The following MICAL1 variants were observed in gnomAD, a reference collection of about 807,000 sequenced individuals.
MICAL1 encodes [F-actin]-monooxygenase MICAL1.
Under a neutral mutation model 131.8 loss-of-function variants are expected in MICAL1, and 95 were observed. The ratio of observed to expected loss-of-function variants is 0.72; its 90% CI spans 0.61 to 0.86. The LOEUF is 0.86. Among genes scored for constraint, MICAL1 ranks in the 40% least tolerant of loss-of-function variants. The probability of loss-of-function intolerance (pLI) is 0.00; values close to 1 mark genes in which losing one functional copy is unlikely to be tolerated. For synonymous variants in MICAL1, 546 were observed against 554.2 expected (o/e 0.99, Z 0.21); for missense variants, 1,292 against 1,380.6 (o/e 0.94, Z 1.02).
rs530967053 is a variant in MICAL1 at position 109,448,460 on chromosome 6, C to CAGCAGGAGGGGAGGGACAGCA, written c.1665-88_1665-68dup. ...CTAGCCCCACTGAGGGGAGGAAGGGCAGCAGGAGGGGAGGGACAGCAAGCA... is the reference window on the plus strand; with the variant it reads ...CTAGCCCCACTGAGGGGAGGAAGGGCAGCAGGAGGGGAGGGACAGCAAGCAGGAGGGGAGGGACAGCAAGCA... On this transcript the variant is annotated intron_variant, in intron 12 of 24. Transcript: ENST00000358807. 51 of 1,564,916 alleles carry CAGCAGGAGGGGAGGGACAGCA rather than the reference C, an allele frequency of 3.3e-5. No individual in the cohort carries two copies. The African/African-American group carries it at 5.0e-4, about 15-fold the overall frequency.
At chr6:109,460,440 A>AG (rs529688421), upstream of MICAL1, among the ~76,000 whole-genome samples, 105 of 151,766 alleles carry the variant, frequency 6.9e-4, no homozygotes, top group South Asian at 0.011. Flanking sequence ...AAAAAAAAAA[A>AG]AAAAGAAATG....
At chr6:109,447,471 T>G (rs751732553) in intron 15 of MICAL1, 31 bp from the exon 16 acceptor site, 1 of 1,594,846 alleles carries the variant, frequency 6.3e-7, no homozygotes, top group Non-Finnish European at 8.5e-7. Context: ...GCAGGGAGGG[T>G]AGAGGGGCAG....
At chr6:109,452,486 T>C in intron 5 of MICAL1, 25 bp downstream of exon 5, 2 of 1,612,602 alleles carry the variant, frequency 1.2e-6, no homozygotes, top group African/African-American at 1.3e-5. Context: ...AGATGCTGGC[T>C]TCTTTGAGGG....
At chr6:109,446,488 A>G (rs1198620551) in intron 18 of MICAL1, 76 bp from the exon 19 acceptor site, 4 of 1,545,584 alleles carry the variant, frequency 2.6e-6, no homozygotes, top group East Asian at 2.3e-5. Context: ...CTTGGCATTC[A>G]TTCACTTAAA....
chr6:109,448,853 G>C lies in MICAL1; in HGVS notation c.1543C>G (p.Leu515Val), dbSNP rs1201233199. The stretch of plus-strand genomic sequence containing the variant: ...GCTGTCTGCTCCTGGCACCAGCGTA[G>C]CAGCTCCTCCTGGGTGCCTGCCGAC... ...TGSAGTQEEL[L>V]RWCQEQTAGY... Residue 515 changes from leucine to valine, a missense_variant, in exon 12 of 25, where the codon CTA becomes GTA. Physicochemically the swap from Leu to Val is conservative, Grantham distance 32. Transcript: ENST00000358807. 1 of 1,613,752 alleles carries C rather than the reference G, an allele frequency of 6.2e-7. No homozygotes were observed. The highest frequency in any genetic ancestry group is 8.5e-7 in the Non-Finnish European group (1 of 1,179,982).
chr6:109,459,970 T>C (rs1463208389), upstream of MICAL1, among the ~76,000 whole-genome samples: 1 of 152,230 alleles, frequency 6.6e-6, no homozygotes, highest in Non-Finnish European at 1.5e-5. Flanking sequence ...AAAATCATCT[T>C]TGAATTATAT....
chr6:109,452,584 G>T lies in MICAL1; in HGVS notation c.603C>A (p.Asn201Lys). The change falls in exon 5 of 25, where the codon AAC becomes AAA. Residue 201 changes from asparagine (N) to lysine (K), a missense_variant. Asn to Lys is a moderately conservative substitution (Grantham distance 94, BLOSUM62 0). Coordinates refer to ENST00000358807, the MANE Select transcript of MICAL1 (RefSeq NM_022765.4). Reference protein sequence around the residue: ...GSGWRAQLQPNPPAQLANYEF... With the variant: ...GSGWRAQLQPKPPAQLANYEF... The stretch of plus-strand genomic sequence containing the variant: ...CATAGTTGGCCAGCTGGGCAGGGGG[G>T]TTGGGTTGGAGCTGGGCACGCCAGC... The T allele has an allele frequency of 2.5e-6, 4 of 1,613,354 alleles. No homozygotes were observed. Among genetic ancestry groups the T allele is most frequent in the Middle Eastern group, 1.7e-4 (1 of 5,762 alleles).
exon 1 of MICAL1, chr6:109,465,946 G>A: frequency 6.2e-7 from 1 of 1,614,190 alleles, no homozygotes; most frequent in South Asian, 1.1e-5. Flanking sequence ...TGCTGAGCTG[G>A]ATCTGAAGTA....
chr6:109,457,210 G>A (rs889102198), upstream of MICAL1, among the ~76,000 whole-genome samples: 4 of 152,202 alleles, frequency 2.6e-5, no homozygotes, highest in African/African-American at 9.6e-5. Flanking sequence ...CAGGAGAGGC[G>A]AGGGAATTCA....
intron 1 of MICAL1, among the ~76,000 whole-genome samples, chr6:109,461,636 A>G (rs981077784): frequency 1.3e-5 from 2 of 152,104 alleles, no homozygotes; most frequent in African/African-American, 4.8e-5. Context: ...TTAGTCAAAA[A>G]CTTCTATTAC....
chr6:109,445,830 T>A lies in MICAL1; in HGVS notation c.2614A>T (p.Ser872Cys). Reference protein sequence around the residue: ...LVAMEKEEKESPFSSEEEEED... With the variant: ...LVAMEKEEKECPFSSEEEEED... Reference sequence around the variant, plus strand: ...TCTTCCTCTTCACTGGAGAAGGGACTCTCTTTTTCCTCCTTCTCCATGGCC... The same window carrying A: ...TCTTCCTCTTCACTGGAGAAGGGACACTCTTTTTCCTCCTTCTCCATGGCC... Residue 872 changes from serine (S) to cysteine (C), a missense_variant, in exon 20 of 25, where the codon AGT (serine) becomes TGT (cysteine). By Grantham distance (112) the Ser-to-Cys change is moderately radical. Coordinates refer to ENST00000358807, the MANE Select transcript of MICAL1 (RefSeq NM_022765.4). 6.2e-7 allele frequency: 1 copy of A among 1,610,164 alleles called. No homozygotes were observed. Among genetic ancestry groups the A allele is most frequent in the Non-Finnish European group, 8.5e-7 (1 of 1,178,364 alleles).
In MICAL1 at chr6:109,447,123, G is replaced by C. The variant is rs374109837; in HGVS notation, c.2177C>G (p.Thr726Ser). The change falls in exon 17 of 25, where the codon ACC becomes AGC. Residue 726 changes from threonine to serine, a missense_variant. Coordinates refer to ENST00000358807, the MANE Select transcript of MICAL1 (RefSeq NM_022765.4). The part of the protein sequence containing the change: ...FFHRSCFRCH[T>S]CEATLWPGGY... ...ACCTGGCCACAGTGTGGCCTCACAG[G>C]TATGGCAGCGGAAGCAGCTCCGGTG... The C allele has an allele frequency of 6.2e-7, 1 of 1,614,178 alleles. No individual in the cohort carries two copies. Among genetic ancestry groups the C allele is most frequent in the Non-Finnish European group, 8.5e-7 (1 of 1,180,032 alleles).
chr6:109,465,678 A>G, exon 1 of MICAL1: 1 of 1,591,176 alleles, frequency 6.3e-7, no homozygotes, highest in Non-Finnish European at 8.5e-7. Flanking sequence ...GACAAGACAT[A>G]CACACATCTT....
chr6:109,451,244 C>G (rs184625699), intron 7 of MICAL1, among the ~76,000 whole-genome samples: 1 of 151,958 alleles, frequency 6.6e-6, no homozygotes, highest in East Asian at 1.9e-4. Flanking sequence ...ACTTCCGCCT[C>G]CCAGGTTCAA....
intron 24 of MICAL1, 121 bp from the exon 25 acceptor site, chr6:109,444,460 TAGG>T: frequency 7.1e-7 from 1 of 1,409,230 alleles, no homozygotes; most frequent in Non-Finnish European, 9.7e-7. Context: ...GCTGCCAAAT[TAGG>T]AGGGTTGCCA....
At chr6:109,457,825 CTGACT>C (rs553776680), upstream of MICAL1, among the ~76,000 whole-genome samples, 35 of 152,322 alleles carry the variant, frequency 2.3e-4, no homozygotes, top group East Asian at 5.8e-3. Context: ...CTAAAAACTG[CTGACT>C]TGAAGTTTCA....
rs761438283 is a variant in MICAL1, at chr6:109,445,151, G to GT, written c.2881+45_2881+46insA. 49 of 1,606,954 alleles carry GT rather than the reference G, an allele frequency of 3.0e-5. 1 individual carries two copies. Among genetic ancestry groups the GT allele is most frequent in the Middle Eastern group, 4.3e-4 (2 of 4,636 alleles). On this transcript the variant is annotated intron_variant, in intron 22 of 24. Coordinates refer to ENST00000358807, the MANE Select transcript of MICAL1 (RefSeq NM_022765.4). The stretch of plus-strand genomic sequence containing the variant: ...CTCCTACGGGCTGGAGCGTGGAGCT[G>GT]AACACAGTGCTAGAAGGCAGAGGGG...
At chr6:109,449,059 A>T in intron 11 of MICAL1, 180 bp from the exon 12 acceptor site, 1 of 842,470 alleles carries the variant, frequency 1.2e-6, no homozygotes, top group Non-Finnish European at 1.8e-6. Flanking sequence ...TTTTAAAAAA[A>T]ATCTCTTTGG....
Position 109,455,356 on chromosome 6 carries a change from G to A in MICAL1, c.-44+363C>T, listed in dbSNP as rs1347889675. Among the ~76,000 whole-genome samples the A allele has an allele frequency of 1.3e-5, 2 of 152,198 alleles. No homozygotes were observed. The highest frequency in any genetic ancestry group is 4.8e-5 in the African/African-American group (2 of 41,460). On this transcript the variant is annotated intron_variant, in intron 1 of 24. Transcript: ENST00000358807. This position sits in a 1 kb window ranked among gnomAD's most constrained non-coding sequence, Gnocchi z 4.7. ...GCTGCGGGTGGCCCGGACGAGGGCAGACGGAATCTCATGACGGAAGGGCAA... is the reference window on the plus strand; with the variant it reads ...GCTGCGGGTGGCCCGGACGAGGGCAAACGGAATCTCATGACGGAAGGGCAA...
Sources: gnomAD v4.1 joint callset for allele counts (sites outside exome capture counted in the v4.1 genomes callset) on GRCh38, gnomAD v4.1.1 for gene constraint, Gnocchi (gnomAD v3.1) non-coding constraint, MANE v1.5 for transcripts, NCBI Gene and HGNC (gene_info 2026-07-23, HGNC 2026-07-21) for gene names.